The following SMYD3 variants were observed in gnomAD, a reference collection of about 807,000 sequenced individuals.
SMYD3 encodes histone-lysine N-methyltransferase SMYD3.
SMYD3 carries 36 observed loss-of-function variants against 57.7 expected under a neutral mutation model. The ratio of observed to expected loss-of-function variants is 0.62; its 90% CI spans 0.48 to 0.82. SMYD3 has a LOEUF of 0.82. SMYD3 is among the 40% of genes least tolerant of loss of function. The pLI is 0.00. For missense variants in SMYD3, 515 were observed against 538.8 expected, an observed-to-expected ratio of 0.96 and a Z score of 0.44; for synonymous variants, 211 against 195.0, an observed-to-expected ratio of 1.08 and a Z score of -0.68.
intron 5 of SMYD3, among the ~76,000 whole-genome samples, chr1:246,168,620 TTA>T (rs1047121674): frequency 3.3e-5 from 5 of 152,200 alleles, no homozygotes; most frequent in African/African-American, 4.8e-5. Flanking sequence ...TTTATAATTG[TTA>T]TTTCTTTGAA....
intron 1 of SMYD3, among the ~76,000 whole-genome samples, chr1:246,474,493 T>A (rs1054810002): frequency 8.4e-6 from 1 of 119,164 alleles, no homozygotes; most frequent in African/African-American, 3.4e-5. Context: ...CACTCCAACC[T>A]GGACAACAGG....
rs375117584 is a variant in SMYD3, at chr1:245,966,495, T to C, written c.532-36558A>G. On this transcript the variant is annotated intron_variant, in intron 5 of 11. Coordinates refer to ENST00000490107, the MANE Select transcript of SMYD3 (RefSeq NM_001167740.2). ...AATTTTGCTATTTTCTAGCATAACA[T>C]GGTATGCACACATTAAATTAAATGT... Among the ~76,000 whole-genome samples, 114 of 152,274 alleles carry C rather than the reference T, an allele frequency of 7.5e-4. 1 individual carries two copies. The highest frequency in any genetic ancestry group is 2.7e-3 in the African/African-American group (111 of 41,554).
At chr1:246,345,570 T>C (rs959223736) in intron 2 of SMYD3, among the ~76,000 whole-genome samples, 1 of 152,230 alleles carries the variant, frequency 6.6e-6, no homozygotes, top group Non-Finnish European at 1.5e-5. Flanking sequence ...TTGGGTATCA[T>C]GCTGGTGCTT....
intron 2 of SMYD3, among the ~76,000 whole-genome samples, chr1:246,335,789 G>A (rs1057256527): frequency 1.6e-4 from 24 of 152,022 alleles, no homozygotes; most frequent in Admixed American, 3.3e-4. Flanking sequence ...AGATGGTCTT[G>A]GAACTGATTA....
intron 8 of SMYD3, among the ~76,000 whole-genome samples, chr1:245,874,381 A>G (rs796931450): frequency 4.6e-5 from 7 of 152,334 alleles, no homozygotes; most frequent in African/African-American, 1.4e-4. Context: ...AATTAAAGGA[A>G]TAGTTTAGCT....
intron 10 of SMYD3, among the ~76,000 whole-genome samples, chr1:245,791,073 C>T (rs1169592159): frequency 1.3e-5 from 2 of 152,120 alleles, no homozygotes; most frequent in African/African-American, 4.8e-5. Flanking sequence ...AAGCTCACCA[C>T]CCAGGCTGCA....
chr1:246,048,095 C>A (rs1345929786), intron 5 of SMYD3, among the ~76,000 whole-genome samples: 1 of 151,954 alleles, frequency 6.6e-6, no homozygotes, highest in East Asian at 1.9e-4. Flanking sequence ...AAAAATTCAC[C>A]ATGAAAATGA....
chr1:245,768,703 A>G (rs1205969373), intron 10 of SMYD3, among the ~76,000 whole-genome samples: 1 of 152,208 alleles, frequency 6.6e-6, no homozygotes, highest in African/African-American at 2.4e-5. Context: ...TAAAGCCCTT[A>G]TAACACAGGT....
chr1:246,449,158 G>C lies in SMYD3; in HGVS notation c.164+57896C>G, dbSNP rs535775461. Among the ~76,000 whole-genome samples the C allele has an allele frequency of 5.3e-5, 8 of 152,228 alleles. No homozygotes were observed. In the South Asian group the frequency reaches 1.5e-3, roughly 28 times the overall value. On this transcript the variant is annotated intron_variant, in intron 1 of 11. Transcript: ENST00000490107. ...GAGATGGGAGAGTCACTTGAGCCTGGGAGGTCGAGACTGCAATGAGCCATG... is the reference window on the plus strand; with the variant it reads ...GAGATGGGAGAGTCACTTGAGCCTGCGAGGTCGAGACTGCAATGAGCCATG...
chr1:245,911,164 G>C (rs1368178716), intron 8 of SMYD3, among the ~76,000 whole-genome samples: 1 of 151,992 alleles, frequency 6.6e-6, no homozygotes, highest in Non-Finnish European at 1.5e-5. Flanking sequence ...AAACCACAAT[G>C]AGCTATCATC....
In SMYD3 at chr1:245,753,250, T is replaced by C. The variant is rs544498268; in HGVS notation, c.1186-3586A>G. Among the ~76,000 whole-genome samples, 10 of 124,278 alleles carry C rather than the reference T, an allele frequency of 8.0e-5. No individual in the cohort carries two copies. The South Asian group carries it at 2.4e-3, about 30-fold the overall frequency. The allele number at this position is 124,278 out of a possible 152,430, so 81.5% of individuals were successfully genotyped here. On this transcript the variant is annotated intron_variant, in intron 11 of 11. Coordinates refer to ENST00000490107, the MANE Select transcript of SMYD3 (RefSeq NM_001167740.2). The stretch of plus-strand genomic sequence containing the variant: ...GGGCAGAGAACTAATCTGAAGCAAC[T>C]GAAAAAAAAAAAAAAGAAACTACAT...
Position 246,197,624 on chromosome 1 carries a change from G to C in SMYD3, c.531+129577C>G, listed in dbSNP as rs2062845825. 1.3e-5 allele frequency among the ~76,000 whole-genome samples: 2 copies of C among 151,956 alleles called. 1 individual carries two copies. Among genetic ancestry groups the C allele is most frequent in the South Asian group, 4.2e-4 (2 of 4,816 alleles). On this transcript the variant is annotated intron_variant, in intron 5 of 11. Transcript: ENST00000490107. ...AAAACTGTACCAAGAGAAGCCTAAA[G>C]CAACACAAGGACCAAAAATAACGTG... is the stretch of plus-strand genomic sequence containing the variant.
chr1:246,221,954 C>A (rs1018031585), intron 5 of SMYD3, among the ~76,000 whole-genome samples: 1 of 152,138 alleles, frequency 6.6e-6, no homozygotes, highest in Non-Finnish European at 1.5e-5. Context: ...TGACTTATAT[C>A]CTGTTATATT....
At chr1:246,153,052 G>A (rs1342483002) in intron 5 of SMYD3, among the ~76,000 whole-genome samples, 1 of 152,062 alleles carries the variant, frequency 6.6e-6, no homozygotes, top group Non-Finnish European at 1.5e-5. Context: ...GCTGCATGGG[G>A]CCCAGAACCG....
At chr1:246,335,990 G>T (rs1266324538) in intron 2 of SMYD3, among the ~76,000 whole-genome samples, 1 of 152,120 alleles carries the variant, frequency 6.6e-6, no homozygotes, top group Non-Finnish European at 1.5e-5. Context: ...AACATAAAAA[G>T]AACTATTAGC....
intron 10 of SMYD3, chr1:245,789,022 T>C (rs1311609138): frequency 1.3e-5 from 2 of 152,130 alleles, no homozygotes; most frequent in Non-Finnish European, 2.9e-5. Flanking sequence ...ATTCCGAAAG[T>C]TTCTCTATCA....
chr1:246,015,790 T>C (rs2059366530), intron 5 of SMYD3, among the ~76,000 whole-genome samples: 1 of 152,234 alleles, frequency 6.6e-6, no homozygotes, highest in Non-Finnish European at 1.5e-5. Flanking sequence ...CTGAATTCCA[T>C]TTTATATGTG....
intron 1 of SMYD3, among the ~76,000 whole-genome samples, chr1:246,491,366 C>T (rs74506770): frequency 6.6e-6 from 1 of 152,090 alleles, no homozygotes; most frequent in Admixed American, 6.5e-5. Flanking sequence ...GGCAAAACTC[C>T]GTCTGTACTA....
At chr1:246,114,383 CAAGG>C (rs1210502677) in intron 5 of SMYD3, among the ~76,000 whole-genome samples, 4 of 152,226 alleles carry the variant, frequency 2.6e-5, no homozygotes, top group Admixed American at 6.5e-5. Flanking sequence ...TTAGCACCAA[CAAGG>C]AAGAGGCCAG....
Sources: gnomAD v4.1 joint callset for allele counts (sites outside exome capture counted in the v4.1 genomes callset) on GRCh38, gnomAD v4.1.1 for gene constraint, MANE v1.5 for transcripts, NCBI Gene and HGNC (gene_info 2026-07-23, HGNC 2026-07-21) for gene names.